Variants in MKLN1 observed in about 807,000 individuals in gnomAD.
MKLN1 encodes muskelin 1.
Under a neutral mutation model 99.0 loss-of-function variants are expected in MKLN1, and 18 were observed. That is an observed-to-expected ratio of 0.18 (90% confidence interval 0.13 to 0.27). The LOEUF is 0.27. MKLN1 is among the 10% of genes least tolerant of loss of function. MKLN1 has a pLI of 1.00. For synonymous variants in MKLN1, 288 were observed against 293.2 expected, an observed-to-expected ratio of 0.98 and a Z score of 0.18; for missense variants, 621 against 875.9, an observed-to-expected ratio of 0.71 and a Z score of 3.67.
intron 12 of MKLN1, among the ~76,000 whole-genome samples, chr7:131,456,726 G>T (rs894532529): frequency 6.6e-6 from 1 of 152,046 alleles, no homozygotes; most frequent in African/African-American, 2.4e-5. Flanking sequence ...GCATAGGGGC[G>T]TGATCATATA....
intron 1 of MKLN1, among the ~76,000 whole-genome samples, chr7:131,112,966 C>G (rs1795220591): frequency 1.3e-5 from 2 of 152,218 alleles, no homozygotes; most frequent in Admixed American, 6.5e-5. Flanking sequence ...AAACCCAACT[C>G]TGCCACTTTA....
intron 2 of MKLN1, among the ~76,000 whole-genome samples, chr7:131,157,864 G>A (rs898224515): frequency 2.0e-5 from 3 of 152,130 alleles, no homozygotes; most frequent in Admixed American, 6.5e-5. Context: ...CAGTTCATTT[G>A]GAGTCTAGTC....
At chr7:131,127,114 G>A (rs1453173707) in intron 1 of MKLN1, among the ~76,000 whole-genome samples, 16 of 150,064 alleles carry the variant, frequency 1.1e-4, no homozygotes, top group Middle Eastern at 3.4e-3. Context: ...GCGGTGAGCC[G>A]AGATCATGCC....
At position 131,327,947 on chromosome 7, in the gene MKLN1, C is replaced by A. The variant is rs767350255; in HGVS notation, c.48C>A (p.Leu16=). The A allele has an allele frequency of 3.1e-6, 5 of 1,613,688 alleles. No homozygotes were observed. Among genetic ancestry groups the A allele is most frequent in the African/African-American group, 2.7e-5 (2 of 74,914 alleles). The change falls in exon 1 of 18, where the codon CTC becomes CTA. Residue 16 remains leucine (L), a synonymous_variant. Transcript: ENST00000352689. ...AVAAAPECRL[L]PYALHKWSSF... ...CTGCGGCGCCCGAGTGCCGGCTTCT[C>A]CCCTACGCGCTACACAAGTGGAGCT...
At chr7:131,300,483 C>T (rs1397142339) in intron 3 of MKLN1, among the ~76,000 whole-genome samples, 2 of 150,148 alleles carry the variant, frequency 1.3e-5, no homozygotes. Context: ...GAGTTCAAGA[C>T]CAGCCTGGCC....
intron 3 of MKLN1, among the ~76,000 whole-genome samples, chr7:131,216,436 A>AT (rs1796983220): frequency 1.3e-5 from 2 of 151,658 alleles, no homozygotes; most frequent in African/African-American, 4.8e-5. Flanking sequence ...AAAAAAAAAA[A>AT]AGAAAAAAAA....
In MKLN1 at chr7:131,418,712, C is replaced by T. The variant is rs745556486; in HGVS notation, c.847+4002C>T. Among the ~76,000 whole-genome samples the T allele has an allele frequency of 5.3e-5, 8 of 152,152 alleles. No homozygotes were observed. The East Asian group carries it at 5.8e-4, about 11-fold the overall frequency. On this transcript the variant is annotated intron_variant, in intron 8 of 17. Coordinates refer to ENST00000352689, the MANE Select transcript of MKLN1 (RefSeq NM_013255.5). ...CTCACCAAATTCTTAGAAGTTTTCT[C>T]TAGTAAAATTGATTTGGGAGTTGAT...
chr7:131,137,078 C>T (rs1332790197), intron 1 of MKLN1, among the ~76,000 whole-genome samples: 2 of 152,144 alleles, frequency 1.3e-5, no homozygotes, highest in Non-Finnish European at 2.9e-5. Context: ...GTCTTGAACT[C>T]CTGGGCTTAA....
At chr7:131,411,178 A>C in intron 6 of MKLN1, 128 bp from the exon 7 acceptor site, 1 of 553,626 alleles carries the variant, frequency 1.8e-6, no homozygotes. Context: ...TTTTATGAAA[A>C]TGTGCTTTTG....
intron 2 of MKLN1, among the ~76,000 whole-genome samples, chr7:131,160,962 G>A (rs1230324215): frequency 6.6e-6 from 1 of 152,106 alleles, no homozygotes; most frequent in Non-Finnish European, 1.5e-5. Flanking sequence ...CAATATGATG[G>A]TGTCTCCTTC....
intron 3 of MKLN1, among the ~76,000 whole-genome samples, chr7:131,275,555 ATATATATATATATTTTTTT>A (rs1379967355): frequency 3.0e-4 from 5 of 16,794 alleles, no homozygotes; most frequent in East Asian, 2.1e-3. Flanking sequence ...ATATATATAT[ATATATATATATATTTTTTT>A]TTTTTTTTTT....
rs1796114442 is a variant in MKLN1 at position 131,165,791 on chromosome 7, G to C, written c.-297+22850G>C. 2.0e-5 allele frequency among the ~76,000 whole-genome samples: 3 copies of C among 152,282 alleles called. No individual in the cohort carries two copies. The South Asian group carries it at 6.2e-4, about 32-fold the overall frequency. On this transcript the variant is annotated intron_variant, in intron 2 of 7. Transcript: ENST00000416992. ...GCACCGGGTGGTACGAGGGTGAGCA[G>C]AAAGGTAGAAGGCCGGGAGATGAGT...
intron 2 of MKLN1, among the ~76,000 whole-genome samples, chr7:131,384,752 A>G (rs1793957626): frequency 6.6e-6 from 1 of 152,230 alleles, no homozygotes; most frequent in Non-Finnish European, 1.5e-5. Context: ...CACTACTGCT[A>G]CTACTGTGAA....
chr7:131,221,902 A>G (rs560367950), intron 3 of MKLN1, among the ~76,000 whole-genome samples: 15 of 151,502 alleles, frequency 9.9e-5, no homozygotes, highest in African/African-American at 2.7e-4. Flanking sequence ...AAGTGCTTTT[A>G]TTTTATTTAT....
At chr7:131,234,859 T>TAGA (rs1228952102) in intron 3 of MKLN1, among the ~76,000 whole-genome samples, 4 of 152,182 alleles carry the variant, frequency 2.6e-5, no homozygotes, top group Non-Finnish European at 5.9e-5. Context: ...CTGCTTGTCT[T>TAGA]TATCTGTCTA....
chr7:131,152,782 T>C (rs117444643), intron 2 of MKLN1, among the ~76,000 whole-genome samples: 4,155 of 152,120 alleles, frequency 0.027, 68 homozygotes, highest in South Asian at 0.064. Context: ...TTTTGTAGTT[T>C]GCTTGTTGAA....
intron 2 of MKLN1, among the ~76,000 whole-genome samples, chr7:131,195,681 G>A (rs1377444051): frequency 1.3e-5 from 2 of 152,076 alleles, no homozygotes; most frequent in East Asian, 1.9e-4. Flanking sequence ...GGCTGGGCCC[G>A]GTGGCTCACG....
intron 2 of MKLN1, among the ~76,000 whole-genome samples, chr7:131,150,950 A>G (rs1391521078): frequency 1.3e-5 from 2 of 152,222 alleles, no homozygotes; most frequent in Non-Finnish European, 1.5e-5. Flanking sequence ...TGATGTAATT[A>G]TAAAATAGAC....
chr7:131,338,902 C>T (rs1584621468), intron 1 of MKLN1, among the ~76,000 whole-genome samples: 2 of 152,356 alleles, frequency 1.3e-5, no homozygotes, highest in South Asian at 4.1e-4. Context: ...TCGATCCCTT[C>T]TCTTTCTCCT....
Sources: gnomAD v4.1 joint callset for allele counts (sites outside exome capture counted in the v4.1 genomes callset) on GRCh38, gnomAD v4.1.1 for gene constraint, MANE v1.5 for transcripts, NCBI Gene and HGNC (gene_info 2026-07-23, HGNC 2026-07-21) for gene names.